OPRM1: variants seen among roughly 807,000 people sequenced by gnomAD.
The protein encoded by OPRM1 is opioid receptor mu 1.
Under a neutral mutation model 31.8 loss-of-function variants are expected in OPRM1, and 27 were observed. The ratio of observed to expected loss-of-function variants is 0.85; its 90% CI spans 0.63 to 1.17. The LOEUF (loss-of-function observed/expected upper bound fraction) is 1.17. OPRM1 is among the 50% of genes most tolerant of loss of function. OPRM1 has a pLI of 0.00. For synonymous variants in OPRM1, 196 were observed against 189.9 expected, an observed-to-expected ratio of 1.03 and a Z score of -0.26; for missense variants, 536 against 511.1, an observed-to-expected ratio of 1.05 and a Z score of -0.47.
At chr6:154,052,933 G>T (rs948753069) in intron 1 of OPRM1, among the ~76,000 whole-genome samples, 1 of 152,148 alleles carries the variant, frequency 6.6e-6, no homozygotes, top group African/African-American at 2.4e-5. Context: ...CAGAACAGTT[G>T]CCATAGATTG....
chr6:154,223,105 T>TG (rs1237872487), intron 3 of OPRM1: 1 of 1,248,354 alleles, frequency 8.0e-7, no homozygotes, highest in African/African-American at 1.5e-5. Context: ...CCATATCCCT[T>TG]GGTGAACATT....
In OPRM1 at chr6:154,129,499, A is replaced by G. The variant is rs1413452107; in HGVS notation, c.*10778A>G. 6.6e-6 allele frequency among the ~76,000 whole-genome samples: 1 copy of G among 152,186 alleles called. No individual in the cohort carries two copies. The highest frequency in any genetic ancestry group is 1.5e-5 in the Non-Finnish European group (1 of 68,030). ...GTGAGAGGGTCTTTCTCTCCTCTCA[A>G]TGTCAACATCATATATGATTGGAGA... On this transcript the variant is annotated 3_prime_UTR_variant, in exon 4 of 4. Coordinates refer to ENST00000330432, the MANE Select transcript of OPRM1 (RefSeq NM_000914.5).
chr6:154,149,123 C>T (rs1399127022), intron 3 of OPRM1, among the ~76,000 whole-genome samples: 1 of 152,104 alleles, frequency 6.6e-6, no homozygotes, highest in Non-Finnish European at 1.5e-5. Context: ...GAAGACATAC[C>T]TGAGACTGGG....
intron 3 of OPRM1, among the ~76,000 whole-genome samples, chr6:154,179,328 A>T (rs1012086568): frequency 2.6e-5 from 4 of 152,218 alleles, no homozygotes; most frequent in East Asian, 3.8e-4. Flanking sequence ...GCAGTATTTT[A>T]AAAATTTCCC....
chr6:154,186,706 G>A (rs1180400094), intron 3 of OPRM1, among the ~76,000 whole-genome samples: 2 of 151,932 alleles, frequency 1.3e-5, no homozygotes, highest in African/African-American at 2.4e-5. Context: ...ACAGGCGCCC[G>A]CCATCACGCC....
chr6:154,246,635 C>A, intron 3 of OPRM1: 1 of 1,614,054 alleles, frequency 6.2e-7, no homozygotes, highest in African/African-American at 1.3e-5. Context: ...TTCAGTATCA[C>A]CCAGAACTTT....
intron 3 of OPRM1, among the ~76,000 whole-genome samples, chr6:154,174,743 G>A (rs1800166059): frequency 6.6e-6 from 1 of 152,114 alleles, no homozygotes; most frequent in Non-Finnish European, 1.5e-5. Flanking sequence ...ACACCCCACT[G>A]TCAATATTAG....
intron 3 of OPRM1, among the ~76,000 whole-genome samples, chr6:154,230,161 C>T (rs1286085980): frequency 6.6e-6 from 1 of 151,976 alleles, no homozygotes; most frequent in East Asian, 1.9e-4. Context: ...GGTAAATCTA[C>T]CAAAAATGAA....
At chr6:154,198,071 T>C (rs1776764682) in intron 3 of OPRM1, among the ~76,000 whole-genome samples, 1 of 152,148 alleles carries the variant, frequency 6.6e-6, no homozygotes, top group Non-Finnish European at 1.5e-5. Context: ...AGGCAATCAA[T>C]ATTCAATGAA....
intron 1 of OPRM1, among the ~76,000 whole-genome samples, chr6:154,061,472 T>G (rs182155976): frequency 2.9e-4 from 44 of 152,242 alleles, no homozygotes; most frequent in Non-Finnish European, 4.4e-5. Context: ...GGTGTTATTA[T>G]GGAATACTAT....
chr6:154,081,286 G>C (rs901813719), intron 1 of OPRM1, among the ~76,000 whole-genome samples: 1 of 152,158 alleles, frequency 6.6e-6, no homozygotes, highest in Non-Finnish European at 1.5e-5. Context: ...GGCAGATCAC[G>C]AGGTCAGGAG....
At chr6:154,027,899 G>A (rs1047798332) in intron 1 of OPRM1, among the ~76,000 whole-genome samples, 3 of 152,162 alleles carry the variant, frequency 2.0e-5, no homozygotes, top group African/African-American at 4.8e-5. Flanking sequence ...CTAGCCCAAG[G>A]CAGGCCCAGA....
chr6:154,162,553 C>A lies in OPRM1; in HGVS notation c.1164+71081C>A, dbSNP rs1583675871. Among the ~76,000 whole-genome samples the A allele has an allele frequency of 2.6e-5, 4 of 152,348 alleles. 1 individual carries two copies. In the South Asian group the frequency reaches 8.3e-4, roughly 32 times the overall value. The stretch of plus-strand genomic sequence containing the variant: ...ACTACTCCTCCTTCTTGAACAGTTT[C>A]ATTGTTGTGCTCCTATGATACATTC... On this transcript the variant is annotated intron_variant, in intron 3 of 3. Transcript: ENST00000337049.
At position 154,120,379 on chromosome 6, in the gene OPRM1, A is replaced by C. The variant is rs985166502; in HGVS notation, c.*1658A>C. 1.3e-5 allele frequency among the ~76,000 whole-genome samples: 2 copies of C among 152,180 alleles called. No homozygotes were observed. The highest frequency in any genetic ancestry group is 2.9e-5 in the Non-Finnish European group (2 of 68,006). On this transcript the variant is annotated 3_prime_UTR_variant, in exon 4 of 4. Transcript: ENST00000330432. ...ACCCACGTATCCAGTAGATGGGAAA[A>C]AACAAAAGCCAAAATAAGTTTTTTA...
At chr6:154,094,374 C>T in intron 3 of OPRM1, 1 of 475,346 alleles carries the variant, frequency 2.1e-6, no homozygotes, top group South Asian at 1.6e-5. Context: ...TAGAGTCATA[C>T]TTACACAGTT....
Position 154,128,738 on chromosome 6 carries a change from A to C in OPRM1, c.*10017A>C, listed in dbSNP as rs1797726964. Among the ~76,000 whole-genome samples the C allele has an allele frequency of 2.6e-5, 4 of 152,194 alleles. No individual in the cohort carries two copies. Among genetic ancestry groups the C allele is most frequent in the African/African-American group, 9.7e-5 (4 of 41,440 alleles). ...CACATAAAGACATCATTGAGGAAAA[A>C]GGCTACCTTGTACCTCATGGAGAGC... On this transcript the variant is annotated 3_prime_UTR_variant, in exon 4 of 4. Transcript: ENST00000330432.
chr6:154,184,880 T>G (rs2128573022), intron 3 of OPRM1, among the ~76,000 whole-genome samples: 1 of 150,856 alleles, frequency 6.6e-6, no homozygotes, highest in African/African-American at 2.4e-5. Context: ...CAGATAAAAA[T>G]AAACTCTTGC....
At chr6:154,153,454 C>T (rs1289482923) in intron 3 of OPRM1, among the ~76,000 whole-genome samples, 2 of 152,144 alleles carry the variant, frequency 1.3e-5, no homozygotes, top group East Asian at 3.9e-4. Context: ...GAGGCCGAGG[C>T]GGGCAGATCT....
chr6:154,075,476 G>A (rs1042299102), intron 1 of OPRM1, among the ~76,000 whole-genome samples: 2 of 146,520 alleles, frequency 1.4e-5, no homozygotes, highest in African/African-American at 2.5e-5. Context: ...TTTTCCAGAC[G>A]GAATTTCACT....
Sources: allele counts gnomAD v4.1 joint callset (sites outside exome capture counted in the v4.1 genomes callset), GRCh38; gene constraint gnomAD v4.1.1; transcripts MANE v1.5; gene names NCBI Gene and HGNC (gene_info 2026-07-23, HGNC 2026-07-21).